The following NFIB variants were observed in gnomAD, a reference collection of about 807,000 sequenced individuals.
The protein encoded by NFIB is nuclear factor 1 B-type.
NFIB carries 11 observed loss-of-function variants against 61.5 expected under a neutral mutation model. The ratio of observed to expected loss-of-function variants is 0.18; its 90% confidence interval spans 0.11 to 0.30. The LOEUF (loss-of-function observed/expected upper bound fraction) is 0.30. Ranked by LOEUF, NFIB falls within the 10% of genes least tolerant of loss-of-function variation. The pLI is 1.00. For synonymous variants in NFIB, 260 were observed against 216.5 expected, an observed-to-expected ratio of 1.20 and a Z score of -1.76; for missense variants, 471 against 608.9, an observed-to-expected ratio of 0.77 and a Z score of 2.38.
the NFIB span, among the ~76,000 whole-genome samples, chr9:14,443,943 A>G: frequency 6.6e-6 from 1 of 152,228 alleles, no homozygotes; most frequent in Non-Finnish European, 1.5e-5. Context: ...CACAAAGTCC[A>G]AACTGTTAAA....
chr9:14,213,307 T>G (rs951550983), intron 2 of NFIB, among the ~76,000 whole-genome samples: 3 of 147,242 alleles, frequency 2.0e-5, no homozygotes, highest in African/African-American at 5.5e-5. Context: ...GGTTGATCTT[T>G]GGAAAGTTAA....
At chr9:14,224,458 G>C (rs1312262333) in intron 2 of NFIB, among the ~76,000 whole-genome samples, 5 of 152,198 alleles carry the variant, frequency 3.3e-5, no homozygotes, top group Non-Finnish European at 7.3e-5. Context: ...CCAGAATGAT[G>C]TACATACACA....
intron 2 of NFIB, among the ~76,000 whole-genome samples, chr9:14,282,620 G>C (rs570446024): frequency 2.6e-5 from 4 of 152,300 alleles, no homozygotes; most frequent in South Asian, 2.1e-4. Flanking sequence ...TCTTCAAAGT[G>C]TACTTTTTTA....
chr9:14,530,171 C>A, the NFIB span, among the ~76,000 whole-genome samples: 1 of 152,112 alleles, frequency 6.6e-6, no homozygotes, highest in Admixed American at 6.5e-5. Context: ...AGTTAAGAGG[C>A]AGGGTAACTA....
intron 2 of NFIB, among the ~76,000 whole-genome samples, chr9:14,297,397 A>G (rs368922066): frequency 6.6e-6 from 1 of 152,206 alleles, no homozygotes; most frequent in Non-Finnish European, 1.5e-5. Context: ...ACTTCATTCA[A>G]CCTTCCTCCT....
At chr9:14,385,829 C>A (rs1305694074) in intron 1 of NFIB, among the ~76,000 whole-genome samples, 1 of 149,772 alleles carries the variant, frequency 6.7e-6, no homozygotes, top group East Asian at 2.0e-4. Context: ...GTTTCCCAGG[C>A]TGGAGTGCAG....
chr9:14,111,413 G>C (rs1381191801), intron 10 of NFIB, among the ~76,000 whole-genome samples: 2 of 152,006 alleles, frequency 1.3e-5, no homozygotes, highest in African/African-American at 4.8e-5. Context: ...TAGCATTTGG[G>C]GCTAAAGGTT....
intron 5 of NFIB, 98 bp downstream of exon 5, chr9:14,150,047 C>A: frequency 6.7e-7 from 1 of 1,491,184 alleles, no homozygotes; most frequent in South Asian, 1.4e-5. Flanking sequence ...AATTATTTCC[C>A]ATCTCTCTTT....
At chr9:14,306,095 T>C (rs1381131177) in intron 2 of NFIB, 1 of 537,112 alleles carries the variant, frequency 1.9e-6, no homozygotes, top group Non-Finnish European at 3.0e-6. Context: ...AATAACATCA[T>C]CTTTTTTAAT....
At chr9:14,219,023 G>C (rs1478453921) in intron 2 of NFIB, among the ~76,000 whole-genome samples, 1 of 152,002 alleles carries the variant, frequency 6.6e-6, no homozygotes, top group South Asian at 2.1e-4. Context: ...TTCTCCTGCT[G>C]CAAAAACATT....
chr9:14,517,463 G>A, the NFIB span, among the ~76,000 whole-genome samples: 1 of 152,312 alleles, frequency 6.6e-6, no homozygotes, highest in East Asian at 1.9e-4. Flanking sequence ...AGTACATCTG[G>A]CCACAGTCTA....
At chr9:14,398,449 A>G (rs953494359) in intron 1 of NFIB, 12 of 1,107,704 alleles carry the variant, frequency 1.1e-5, no homozygotes, top group East Asian at 2.6e-5. Context: ...TGAACCCCAC[A>G]CTGAGACACA....
At chr9:14,278,567 T>A (rs1239983207) in intron 2 of NFIB, among the ~76,000 whole-genome samples, 3 of 152,108 alleles carry the variant, frequency 2.0e-5, no homozygotes, top group Non-Finnish European at 4.4e-5. Flanking sequence ...AGCCCCTGAG[T>A]GAGCGGAGCC....
At chr9:14,236,277 A>T (rs1019828476) in intron 2 of NFIB, among the ~76,000 whole-genome samples, 3 of 152,224 alleles carry the variant, frequency 2.0e-5, no homozygotes, top group African/African-American at 7.2e-5. Context: ...CACAAAATAG[A>T]AGCTTCTAAC....
At chr9:14,097,875 C>CTTTTTTTTTTTTTTTTTTT (rs71321962) in intron 10 of NFIB, among the ~76,000 whole-genome samples, 26 of 110,872 alleles carry the variant, frequency 2.3e-4, no homozygotes, top group East Asian at 2.7e-4. Context: ...TTTCTTTTTT[C>CTTTTTTTTTTTTTTTTTTT]TTTTTTTTTT....
At chr9:14,279,849 G>A (rs550964086) in intron 2 of NFIB, among the ~76,000 whole-genome samples, 1 of 152,208 alleles carries the variant, frequency 6.6e-6, no homozygotes, top group South Asian at 2.1e-4. Context: ...CAGAAGGTAA[G>A]AATGATGTTT....
At chr9:14,507,487 T>C in the NFIB span, among the ~76,000 whole-genome samples, 1 of 152,210 alleles carries the variant, frequency 6.6e-6, no homozygotes, top group East Asian at 1.9e-4. Flanking sequence ...TTTTCTTTGT[T>C]CAAGTAAACA....
At position 14,263,414 on chromosome 9, in the gene NFIB, A is replaced by G. The variant is rs117447634; in HGVS notation, c.562+43575T>C. 4.4e-3 allele frequency among the ~76,000 whole-genome samples: 675 copies of G among 152,276 alleles called. 5 individuals carry two copies. Among genetic ancestry groups the G allele is most frequent in the Non-Finnish European group, 5.1e-3 (344 of 68,010 alleles). On this transcript the variant is annotated intron_variant, in intron 2 of 10. Transcript: ENST00000380953. ...TTCCCCTTCATTAACAAAACCAAGT[A>G]CGTACTCTTGTTTTTAAAAGTCTGT...
the NFIB span, among the ~76,000 whole-genome samples, chr9:14,410,510 G>C: frequency 6.6e-6 from 1 of 152,178 alleles, no homozygotes; most frequent in African/African-American, 2.4e-5. Flanking sequence ...ATCAGAGCAT[G>C]ATTACCTTTG....
Sources: gnomAD v4.1 joint callset for allele counts (sites outside exome capture counted in the v4.1 genomes callset) on GRCh38, gnomAD v4.1.1 for gene constraint, MANE v1.5 for transcripts, NCBI Gene and HGNC (gene_info 2026-07-23, HGNC 2026-07-21) for gene names.